DIS3L2: variants seen among roughly 807,000 people sequenced by gnomAD.
DIS3L2 encodes DIS3 like 3'-5' exoribonuclease 2.
DIS3L2 carries 34 observed loss-of-function variants against 97.5 expected under a neutral mutation model. That is an observed-to-expected ratio of 0.35 (90% CI 0.27 to 0.46). The LOEUF (loss-of-function observed/expected upper bound fraction) is 0.46. Ranked by LOEUF, DIS3L2 falls within the 20% of genes least tolerant of loss-of-function variation. The pLI is 1.00. For synonymous variants in DIS3L2, 435 were observed against 445.2 expected (o/e 0.98, Z 0.29); for missense variants, 1,038 against 1,146.0 (o/e 0.91, Z 1.36).
chr2:232,298,391 A>G (rs185591559), intron 13 of DIS3L2, among the ~76,000 whole-genome samples: 1 of 152,344 alleles, frequency 6.6e-6, no homozygotes, highest in East Asian at 1.9e-4. Flanking sequence ...CTCAGCTGCA[A>G]AGAGAGAGGT....
At chr2:232,123,520 C>A (rs1697967883) in intron 6 of DIS3L2, among the ~76,000 whole-genome samples, 1 of 151,508 alleles carries the variant, frequency 6.6e-6, no homozygotes, top group South Asian at 2.1e-4. Context: ...TTACCCCCAT[C>A]ACTGCTCCCC....
chr2:232,335,921 C>G, intron 20 of DIS3L2, 47 bp downstream of exon 20: 1 of 1,548,720 alleles, frequency 6.5e-7, no homozygotes, highest in African/African-American at 1.4e-5. Context: ...GATGACCCCT[C>G]TCCTGCCTCC....
intron 5 of DIS3L2, among the ~76,000 whole-genome samples, chr2:232,070,922 G>A (rs916386896): frequency 6.6e-6 from 1 of 152,042 alleles, no homozygotes; most frequent in Non-Finnish European, 1.5e-5. Context: ...CCATGCAGGA[G>A]AGGAGAGAGG....
intron 5 of DIS3L2, among the ~76,000 whole-genome samples, chr2:232,069,261 G>T (rs1695942347): frequency 6.6e-6 from 1 of 152,106 alleles, no homozygotes; most frequent in South Asian, 2.1e-4. Context: ...AACCTTTACA[G>T]GTTATTTTCT....
chr2:232,236,902 C>T (rs959119967), intron 10 of DIS3L2, among the ~76,000 whole-genome samples: 69 of 152,228 alleles, frequency 4.5e-4, no homozygotes, highest in African/African-American at 1.5e-3. Context: ...CAGGTGTGTG[C>T]CACCACACCT....
chr2:232,137,710 T>C (rs1387883058), intron 8 of DIS3L2, among the ~76,000 whole-genome samples: 1 of 152,222 alleles, frequency 6.6e-6, no homozygotes, highest in Non-Finnish European at 1.5e-5. Context: ...GTGTTTCATA[T>C]ATAAGAAACA....
intron 13 of DIS3L2, among the ~76,000 whole-genome samples, chr2:232,267,505 T>C (rs1344888388): frequency 1.3e-5 from 2 of 152,224 alleles, no homozygotes; most frequent in African/African-American, 4.8e-5. Flanking sequence ...CTAAGTTAAT[T>C]CTTGGACTTA....
At chr2:231,983,761 C>T (rs1693326633) in intron 1 of DIS3L2, among the ~76,000 whole-genome samples, 1 of 151,952 alleles carries the variant, frequency 6.6e-6, no homozygotes, top group South Asian at 2.1e-4. Flanking sequence ...TGGTGGCATG[C>T]ACCTGTAATC....
intron 1 of DIS3L2, among the ~76,000 whole-genome samples, chr2:231,962,268 T>G (rs1306063504): frequency 7.8e-6 from 1 of 128,008 alleles, no homozygotes; most frequent in African/African-American, 3.6e-5. Flanking sequence ...TTATTGATCA[T>G]AGAGAGTTTT....
intron 8 of DIS3L2, among the ~76,000 whole-genome samples, chr2:232,141,759 A>G (rs539165925): frequency 6.6e-6 from 1 of 152,232 alleles, no homozygotes; most frequent in South Asian, 2.1e-4. Flanking sequence ...CTAGCTTTTC[A>G]CCTTGTGGTG....
At chr2:232,206,305 C>T (rs531715103) in intron 9 of DIS3L2, among the ~76,000 whole-genome samples, 27 of 152,304 alleles carry the variant, frequency 1.8e-4, no homozygotes, top group Admixed American at 7.2e-4. Flanking sequence ...AATTAAAACA[C>T]TTAATTGGCA....
rs529965436 is a variant in DIS3L2 at position 232,128,249 on chromosome 2, C to T, written c.602-2370C>T. ...GGGATTACAGGCGTGAGCCAACATG[C>T]CCACCCTATAATTTTATATTTATTG... is the stretch of plus-strand genomic sequence containing the variant. On this transcript the variant is annotated intron_variant, in intron 6 of 20. Transcript: ENST00000325385. 7.9e-5 allele frequency among the ~76,000 whole-genome samples: 12 copies of T among 152,044 alleles called. No homozygotes were observed. In the East Asian group the frequency reaches 1.4e-3, roughly 17 times the overall value.
At chr2:232,057,375 T>C (rs921511055) in intron 5 of DIS3L2, among the ~76,000 whole-genome samples, 2 of 152,168 alleles carry the variant, frequency 1.3e-5, no homozygotes, top group African/African-American at 4.8e-5. Context: ...ATCCTTCCTA[T>C]GAGCAAGTCG....
At chr2:232,081,976 G>A (rs1298941995) in intron 5 of DIS3L2, among the ~76,000 whole-genome samples, 2 of 152,180 alleles carry the variant, frequency 1.3e-5, no homozygotes, top group Admixed American at 6.5e-5. Flanking sequence ...TTTTGGTAGA[G>A]ACAGGGTTTC....
chr2:232,230,541 G>T (rs116523568), intron 10 of DIS3L2, among the ~76,000 whole-genome samples: 3,693 of 152,262 alleles, frequency 0.024, 135 homozygotes, highest in African/African-American at 0.082. Flanking sequence ...CATAGACTGG[G>T]TGGAAACCAA....
At chr2:232,129,494 C>T (rs1448475848) in intron 6 of DIS3L2, among the ~76,000 whole-genome samples, 2 of 152,100 alleles carry the variant, frequency 1.3e-5, no homozygotes, top group African/African-American at 2.4e-5. Context: ...GGGCAATCTA[C>T]GATAGGAAAG....
At chr2:232,206,619 G>T (rs1692033342) in intron 9 of DIS3L2, among the ~76,000 whole-genome samples, 1 of 152,188 alleles carries the variant, frequency 6.6e-6, no homozygotes, top group Admixed American at 6.5e-5. Context: ...GGCCAGATTT[G>T]ACCAGTGTAG....
At chr2:232,327,142 A>G (rs1695601097) in intron 14 of DIS3L2, among the ~76,000 whole-genome samples, 1 of 152,238 alleles carries the variant, frequency 6.6e-6, no homozygotes, top group Non-Finnish European at 1.5e-5. Context: ...TTCAATTCCT[A>G]AACCCATAGA....
intron 6 of DIS3L2, among the ~76,000 whole-genome samples, chr2:232,088,431 G>A (rs1163576609): frequency 6.0e-5 from 9 of 150,818 alleles, no homozygotes; most frequent in African/African-American, 9.7e-5. Context: ...GAGTTGTGGC[G>A]GGCACCTGTA....
Sources: gnomAD v4.1 joint callset for allele counts (sites outside exome capture counted in the v4.1 genomes callset) on GRCh38, gnomAD v4.1.1 for gene constraint, MANE v1.5 for transcripts, NCBI Gene and HGNC (gene_info 2026-07-23, HGNC 2026-07-21) for gene names.